Variants in CIMIP6 observed in about 807,000 individuals in gnomAD.
CIMIP6 encodes the protein ciliary microtubule inner protein 6.
the CIMIP6 span, among the ~76,000 whole-genome samples, chr2:54,346,592 C>T: frequency 6.6e-6 from 1 of 152,178 alleles, no homozygotes; most frequent in African/African-American, 2.4e-5. Flanking sequence ...ACTCTCCCAC[C>T]AGGTGTTCAA....
chr2:54,378,893 T>C, the CIMIP6 span, among the ~76,000 whole-genome samples: 1 of 152,238 alleles, frequency 6.6e-6, no homozygotes, highest in Non-Finnish European at 1.5e-5. Flanking sequence ...GAAAGTACTG[T>C]ACTACTGTCC....
At chr2:54,360,107 A>T in the CIMIP6 span, 8 of 1,428,226 alleles carry the variant, frequency 5.6e-6, no homozygotes, top group South Asian at 7.7e-5. Context: ...TGCATCACTG[A>T]CTAGGACTTG....
At chr2:54,375,387 C>T in the CIMIP6 span, among the ~76,000 whole-genome samples, 2 of 152,152 alleles carry the variant, frequency 1.3e-5, no homozygotes, top group Non-Finnish European at 2.9e-5. Flanking sequence ...AGAATAAATA[C>T]TGTCAAGTAA....
the CIMIP6 span, among the ~76,000 whole-genome samples, chr2:54,375,704 G>A: frequency 1.3e-5 from 2 of 152,320 alleles, no homozygotes; most frequent in Admixed American, 6.5e-5. Flanking sequence ...AAACTTCAGT[G>A]TCCACAAGGG....
At chr2:54,349,833 G>A in the CIMIP6 span, among the ~76,000 whole-genome samples, 8 of 150,986 alleles carry the variant, frequency 5.3e-5, no homozygotes, top group African/African-American at 1.7e-4. Flanking sequence ...CTTTATTTCC[G>A]TGATGAAAAA....
the CIMIP6 span, chr2:54,361,577 CA>C: frequency 6.6e-6 from 1 of 152,298 alleles, no homozygotes; most frequent in Admixed American, 6.5e-5. Flanking sequence ...TGATAAACTG[CA>C]AAATAATGAA....
the CIMIP6 span, among the ~76,000 whole-genome samples, chr2:54,345,131 G>C: frequency 6.6e-6 from 1 of 152,122 alleles, no homozygotes; most frequent in South Asian, 2.1e-4. Context: ...GGCTGGGCTT[G>C]AGAATTAAAT....
chr2:54,350,961 T>C, the CIMIP6 span, among the ~76,000 whole-genome samples: 1 of 152,366 alleles, frequency 6.6e-6, no homozygotes, highest in Middle Eastern at 3.4e-3. Context: ...TCTGTTTCAG[T>C]ATAAGATTTT....
At chr2:54,359,696 G>A in the CIMIP6 span, among the ~76,000 whole-genome samples, 2 of 152,002 alleles carry the variant, frequency 1.3e-5, no homozygotes, top group Non-Finnish European at 2.9e-5. Context: ...GGAGATGCAT[G>A]TAAGGTTTAT....
the CIMIP6 span, among the ~76,000 whole-genome samples, chr2:54,336,468 G>A: frequency 2.0e-5 from 3 of 152,186 alleles, no homozygotes; most frequent in Non-Finnish European, 4.4e-5. Flanking sequence ...GTGACTTTGG[G>A]CAAGTCACGC....
At chr2:54,348,152 T>C in the CIMIP6 span, among the ~76,000 whole-genome samples, 1 of 152,206 alleles carries the variant, frequency 6.6e-6, no homozygotes, top group Non-Finnish European at 1.5e-5. Context: ...TGGTTCAGTA[T>C]TAAACTTAGT....
the CIMIP6 span, among the ~76,000 whole-genome samples, chr2:54,344,982 A>G: frequency 6.6e-6 from 1 of 152,184 alleles, no homozygotes; most frequent in Admixed American, 6.6e-5. Flanking sequence ...CACTTTATGG[A>G]ACTTTCTAAA....
At chr2:54,374,915 A>G in the CIMIP6 span, among the ~76,000 whole-genome samples, 1 of 152,254 alleles carries the variant, frequency 6.6e-6, no homozygotes, top group Non-Finnish European at 1.5e-5. Context: ...CCTGATCTGC[A>G]AAAAGCATTT....
chr2:54,332,003 A>G, the CIMIP6 span, among the ~76,000 whole-genome samples: 1 of 152,302 alleles, frequency 6.6e-6, no homozygotes, highest in Admixed American at 6.5e-5. Context: ...CATAAAGGAA[A>G]TGGGCCCCAT....
the CIMIP6 span, among the ~76,000 whole-genome samples, chr2:54,348,392 C>A: frequency 1.1e-3 from 171 of 152,272 alleles, 1 homozygote; most frequent in African/African-American, 4.0e-3. Flanking sequence ...GCATGATTCT[C>A]TCTCTGTTCT....
the CIMIP6 span, chr2:54,358,976 G>C: frequency 6.3e-5 from 97 of 1,539,840 alleles, no homozygotes; most frequent in Non-Finnish European, 1.1e-5. Context: ...TGCCTCTCCT[G>C]GTACATCAGC....
the CIMIP6 span, among the ~76,000 whole-genome samples, chr2:54,347,721 G>A: frequency 6.6e-6 from 1 of 152,120 alleles, no homozygotes; most frequent in Non-Finnish European, 1.5e-5. Flanking sequence ...CTAGGATGGA[G>A]GACAGAAAAT....
At chr2:54,382,482 A>T in the CIMIP6 span, among the ~76,000 whole-genome samples, 2 of 152,014 alleles carry the variant, frequency 1.3e-5, no homozygotes, top group Admixed American at 1.3e-4. Context: ...TAGCTACTTC[A>T]TTTCACCCAT....
At chr2:54,341,202 T>C in the CIMIP6 span, among the ~76,000 whole-genome samples, 1 of 152,210 alleles carries the variant, frequency 6.6e-6, no homozygotes, top group Non-Finnish European at 1.5e-5. Flanking sequence ...CATGTTGAAA[T>C]GTAATTTCCA....
Sources: allele counts gnomAD v4.1 joint callset (sites outside exome capture counted in the v4.1 genomes callset), GRCh38; gene constraint gnomAD v4.1.1; transcripts MANE v1.5; gene names NCBI Gene and HGNC (gene_info 2026-07-23, HGNC 2026-07-21).